FGR: variants seen among roughly 807,000 people sequenced by gnomAD.
FGR encodes the protein tyrosine-protein kinase Fgr.
In FGR, 26 loss-of-function variants were observed where a neutral mutation model predicts 63.2. The observed-to-expected ratio is 0.41, with a 90% CI of 0.30 to 0.57. The LOEUF is 0.57. FGR is among the 20% of genes least tolerant of loss of function. FGR has a pLI of 0.27. For missense variants in FGR, 511 were observed against 690.8 expected, an observed-to-expected ratio of 0.74 and a Z score of 2.92; for synonymous variants, 286 against 277.7, an observed-to-expected ratio of 1.03 and a Z score of -0.30.
At position 27,612,786 on chromosome 1, in the gene FGR, G is replaced by A; in HGVS notation, c.*128C>T. On this transcript the variant is annotated 3_prime_UTR_variant, in exon 13 of 13. Coordinates refer to ENST00000374005, the MANE Select transcript of FGR (RefSeq NM_005248.3). ...GTAGGTTGCCCTAGGTGGTGTCAGAGCAGCCACGTCCTCGGTGATGCTAGG... is the reference window on the plus strand; with the variant it reads ...GTAGGTTGCCCTAGGTGGTGTCAGAACAGCCACGTCCTCGGTGATGCTAGG... 1 of 849,606 alleles carries A rather than the reference G, an allele frequency of 1.2e-6. No individual in the cohort carries two copies. Among genetic ancestry groups the A allele is most frequent in the Non-Finnish European group, 1.8e-6 (1 of 550,356 alleles). The allele number at this position is 849,606 out of a possible 1,614,324, so 52.6% of individuals were successfully genotyped here.
rs1055122621 is a variant in FGR at position 27,614,879 on chromosome 1, G to A, written c.1066C>T (p.Leu356=). The change falls in exon 10 of 13, where the codon CTG becomes TTG. Residue 356 remains leucine (L), a synonymous_variant. Transcript: ENST00000374005. The stretch of plus-strand genomic sequence containing the variant: ...GCTGCCATGTCCACCAATTGGGGCA[G>A]CCTCAAATCCTGGCCCTCTGGGTTC... ...LKNPEGQDLR[L]PQLVDMAAQV... 1 of 1,597,998 alleles carries A rather than the reference G, an allele frequency of 6.3e-7. No homozygotes were observed. Among genetic ancestry groups the A allele is most frequent in the Non-Finnish European group, 8.5e-7 (1 of 1,171,076 alleles).
At position 27,617,921 on chromosome 1, in the gene FGR, G is replaced by A. The variant is rs1440638328; in HGVS notation, c.429-625C>T. ...CAGGCCTCAATCACTCCTCTCCCTT[G>A]GGGATTCTTTCTGGGATTGAACCGT... On this transcript the variant is annotated intron_variant, in intron 5 of 12. Coordinates refer to ENST00000374005, the MANE Select transcript of FGR (RefSeq NM_005248.3). The surrounding 1 kb of genome is among the most constrained non-coding windows in gnomAD (Gnocchi z 4.5). Among the ~76,000 whole-genome samples the A allele has an allele frequency of 6.6e-6, 1 of 152,162 alleles. No individual in the cohort carries two copies. Among genetic ancestry groups the A allele is most frequent in the Non-Finnish European group, 1.5e-5 (1 of 68,032 alleles).
intron 2 of FGR, 122 bp downstream of exon 2, chr1:27,624,967 C>G (rs1318428295): frequency 6.6e-6 from 1 of 152,636 alleles, no homozygotes; most frequent in Admixed American, 6.5e-5. Context: ...TCTGGCTCCC[C>G]CATCCGTTAC....
chr1:27,621,586 G>A lies in FGR; in HGVS notation c.401C>T (p.Ala134Val). Residue 134 changes from alanine to valine, a missense_variant, in exon 5 of 13, where the codon GCC (alanine) becomes GTC (valine). Physicochemically the swap from Ala to Val is moderately conservative, Grantham distance 64 (BLOSUM62 0). Coordinates refer to ENST00000374005, the MANE Select transcript of FGR (RefSeq NM_005248.3). ...KTGCIPSNYV[A>V]PVDSIQAEEW... ...TTCAGCTTGGATTGAGTCAACAGGG[G>A]CCACGTAGTTGCTGGGAATGCAGCC... The A allele has an allele frequency of 1.9e-6, 3 of 1,613,836 alleles. No homozygotes were observed. Among genetic ancestry groups the A allele is most frequent in the Non-Finnish European group, 2.5e-6 (3 of 1,179,890 alleles).
Position 27,616,788 on chromosome 1 carries a change from G to T in FGR, c.682+69C>A. On this transcript the variant is annotated intron_variant, in intron 7 of 12. Coordinates refer to ENST00000374005, the MANE Select transcript of FGR (RefSeq NM_005248.3). The surrounding 1 kb of genome is among the most constrained non-coding windows in gnomAD (Gnocchi z 4.3). Reference sequence around the variant, plus strand: ...GCTTGGTAGTCCCTTCCCTTCTCTGGGCCTCAGTTCCCCCATCTGGACAAT... The same window carrying T: ...GCTTGGTAGTCCCTTCCCTTCTCTGTGCCTCAGTTCCCCCATCTGGACAAT... 1 of 1,547,258 alleles carries T rather than the reference G, an allele frequency of 6.5e-7. No individual in the cohort carries two copies. The highest frequency in any genetic ancestry group is 1.7e-5 in the Admixed American group (1 of 59,648).
chr1:27,624,192 A>C (rs2089980363), intron 2 of FGR: 6 of 424,174 alleles, frequency 1.4e-5, no homozygotes, highest in Non-Finnish European at 2.1e-5. Flanking sequence ...CTACATTGGG[A>C]TATTGCTATG....
chr1:27,632,743 G>A (rs982602686), intron 1 of FGR, among the ~76,000 whole-genome samples: 1 of 152,118 alleles, frequency 6.6e-6, no homozygotes, highest in Non-Finnish European at 1.5e-5. Flanking sequence ...AAGCCATGGC[G>A]GCGGGGGGCG....
chr1:27,615,801 G>A lies in FGR; in HGVS notation c.726C>T (p.Thr242=). ...GLCNLLIAPC[T]IMKPQTLGLA... is the part of the protein sequence containing the mutation. ...GGCCCAGCGTCTGCGGCTTCATGAT[G>A]GTGCAGGGCGCGATGAGCAGGTTGC... The change falls in exon 8 of 13, where the codon ACC becomes ACT. Residue 242 remains threonine (T), a synonymous_variant. Transcript: ENST00000374005. The surrounding 1 kb of genome is among the most constrained non-coding windows in gnomAD (Gnocchi z 7.6). 1 of 1,599,784 alleles carries A rather than the reference G, an allele frequency of 6.3e-7. No individual in the cohort carries two copies. Among genetic ancestry groups the A allele is most frequent in the Non-Finnish European group, 8.5e-7 (1 of 1,173,248 alleles).
chr1:27,623,737 G>C lies in FGR; in HGVS notation c.180C>G (p.Ala60=). 6.2e-7 allele frequency: 1 copy of C among 1,614,238 alleles called. No individual in the cohort carries two copies. The highest frequency in any genetic ancestry group is 8.5e-7 in the Non-Finnish European group (1 of 1,180,044). The change falls in exon 3 of 13, where the codon GCC becomes GCG. Residue 60 remains alanine (A), a synonymous_variant. Coordinates refer to ENST00000374005, the MANE Select transcript of FGR (RefSeq NM_005248.3). Reference sequence around the variant, plus strand: ...CACTATCAAGGAAGCCAGGGTTGATGGCCTGAGAGGAGAAGTTGCTGTAGT... The same window carrying C: ...CACTATCAAGGAAGCCAGGGTTGATCGCCTGAGAGGAGAAGTTGCTGTAGT... ...IPNYSNFSSQ[A]INPGFLDSGT...
rs752929070 is a variant in FGR at position 27,617,780 on chromosome 1, G to A, written c.429-484C>T. Among the ~76,000 whole-genome samples the A allele has an allele frequency of 3.9e-5, 6 of 152,012 alleles. No individual in the cohort carries two copies. Among genetic ancestry groups the A allele is most frequent in the Non-Finnish European group, 7.4e-5 (5 of 67,986 alleles). On this transcript the variant is annotated intron_variant, in intron 5 of 12. Coordinates refer to ENST00000374005, the MANE Select transcript of FGR (RefSeq NM_005248.3). This position sits in a 1 kb window ranked among gnomAD's most constrained non-coding sequence, Gnocchi z 4.5. ...CACCTCCAAACTCTTTCCTCCTTTG[G>A]CCTCCAGAGCAGCACAGTCTCCTGC...
intron 1 of FGR, chr1:27,626,003 C>T (rs1291382995): frequency 2.5e-6 from 1 of 399,028 alleles, no homozygotes; most frequent in Non-Finnish European, 4.4e-6. Flanking sequence ...CTCCCAGCCA[C>T]CCTAGGGTTC....
rs536518522 is a variant in FGR, at chr1:27,629,617, C to G, written c.-76-4466G>C. ...CCTAGGACTCTTCATCCTCCTCTTG[C>G]TCTGATCTCTATGTGCCACCAATTC... On this transcript the variant is annotated intron_variant, in intron 1 of 12. Transcript: ENST00000374005. Among the ~76,000 whole-genome samples the G allele has an allele frequency of 2.2e-4, 33 of 152,314 alleles. 1 individual carries two copies. The South Asian group carries it at 6.2e-3, about 29-fold the overall frequency.
intron 1 of FGR, among the ~76,000 whole-genome samples, chr1:27,634,830 C>T (rs2090156520): frequency 6.6e-6 from 1 of 152,164 alleles, no homozygotes; most frequent in Admixed American, 6.5e-5. Context: ...GGTCGGCTTC[C>T]CCCGTGCTCC....
Position 27,630,794 on chromosome 1 carries a change from G to A in FGR, c.-77+4271C>T, listed in dbSNP as rs900001925. 9.2e-5 allele frequency among the ~76,000 whole-genome samples: 14 copies of A among 151,984 alleles called. No individual in the cohort carries two copies. The East Asian group carries it at 9.6e-4, about 10-fold the overall frequency. On this transcript the variant is annotated intron_variant, in intron 1 of 12. Transcript: ENST00000374005. ...CATCTGGTTTACAGGAGTCGCCTCC[G>A]AGATCCCCATCAGGGTCAAAATCAG...
In FGR at chr1:27,614,877, C is replaced by T. The variant is rs1233650875; in HGVS notation, c.1068G>A (p.Leu356=). ...LKNPEGQDLR[L]PQLVDMAAQV... ...GGGCTGCCATGTCCACCAATTGGGG[C>T]AGCCTCAAATCCTGGCCCTCTGGGT... is the stretch of plus-strand genomic sequence containing the variant. Residue 356 remains leucine (L), a synonymous_variant, in exon 10 of 13, where the codon CTG becomes CTA. Transcript: ENST00000374005. 1.3e-6 allele frequency: 2 copies of T among 1,597,488 alleles called. No individual in the cohort carries two copies. Among genetic ancestry groups the T allele is most frequent in the Non-Finnish European group, 8.5e-7 (1 of 1,170,810 alleles).
chr1:27,623,611 G>A (rs759945581), intron 3 of FGR, 80 bp downstream of exon 3: 14 of 1,450,548 alleles, frequency 9.7e-6, no homozygotes, highest in South Asian at 1.2e-5. Context: ...AGGCTCCTAA[G>A]GGCAAGTTCG....
rs758756429 is a variant in FGR at position 27,621,577 on chromosome 1, T to C, written c.410A>G (p.Asp137Gly). 2 of 1,613,552 alleles carry C rather than the reference T, an allele frequency of 1.2e-6. No homozygotes were observed. Among genetic ancestry groups the C allele is most frequent in the Non-Finnish European group, 1.7e-6 (2 of 1,179,786 alleles). The change falls in exon 5 of 13, where the codon GAC becomes GGC. Residue 137 changes from aspartate (D) to glycine (G), a missense_variant. Transcript: ENST00000374005. ...TACTTACTCTTCAGCTTGGATTGAG[T>C]CAACAGGGGCCACGTAGTTGCTGGG... is the stretch of plus-strand genomic sequence containing the variant. ...CIPSNYVAPV[D>G]SIQAEEWYFG...
rs751282096 is a variant in FGR at position 27,623,913 on chromosome 1, C to T, written c.4G>A (p.Gly2Ser). Residue 2 changes from glycine (G) to serine (S), a missense_variant, in exon 3 of 13, where the codon GGC (glycine) becomes AGC (serine). Transcript: ENST00000374005. ...TCCAATTTCTTGCAGAACACACAGC[C>T]CATTCCAGGTTCCCTGCTACAGAAT... M[G>S]CVFCKKLEPV... The T allele has an allele frequency of 6.3e-7, 1 of 1,589,322 alleles. No homozygotes were observed. The highest frequency in any genetic ancestry group is 8.6e-7 in the Non-Finnish European group (1 of 1,165,650).
chr1:27,620,006 G>A lies in FGR; in HGVS notation c.428+1553C>T, dbSNP rs573721797. 2.0e-5 allele frequency among the ~76,000 whole-genome samples: 3 copies of A among 152,180 alleles called. No homozygotes were observed. The East Asian group carries it at 5.8e-4, about 29-fold the overall frequency. On this transcript the variant is annotated intron_variant, in intron 5 of 12. Coordinates refer to ENST00000374005, the MANE Select transcript of FGR (RefSeq NM_005248.3). ...TTTTTGAGCCTCAGTTTCCTCATCTGTAAAATGGGAACAATAATAATATCA... is the reference window on the plus strand; with the variant it reads ...TTTTTGAGCCTCAGTTTCCTCATCTATAAAATGGGAACAATAATAATATCA...
Sources: gnomAD v4.1 joint callset for allele counts (sites outside exome capture counted in the v4.1 genomes callset) on GRCh38, gnomAD v4.1.1 for gene constraint, Gnocchi (gnomAD v3.1) non-coding constraint, MANE v1.5 for transcripts, NCBI Gene and HGNC (gene_info 2026-07-23, HGNC 2026-07-21) for gene names.